Variants in ANKRD53 observed in about 807,000 individuals in gnomAD.
ANKRD53 encodes ankyrin repeat domain 53.
A neutral mutation model predicts 30.1 loss-of-function variants in ANKRD53; 27 were observed. That is an observed-to-expected ratio of 0.90 (90% CI 0.66 to 1.24). ANKRD53 has a LOEUF of 1.24. Among genes scored for constraint, ANKRD53 ranks in the 50% most tolerant of loss-of-function variants. The pLI is 0.00. For missense variants in ANKRD53, 682 were observed against 721.0 expected (o/e 0.95, Z 0.62); for synonymous variants, 286 against 295.4 (o/e 0.97, Z 0.33).
chr2:70,978,782 CCA>C lies in ANKRD53; in HGVS notation c.139_140del (p.Thr47LeufsTer3). On this transcript the variant is annotated frameshift_variant, in exon 1 of 6. Coordinates refer to ENST00000360589, the MANE Select transcript of ANKRD53 (RefSeq NM_001115116.2). LOFTEE classifies it high-confidence loss of function. The surrounding 1 kb of genome is among the most constrained non-coding windows in gnomAD (Gnocchi z 4.3). Reference sequence around the variant, plus strand: ...CAGGCGAACAAAGTCTCCTTGAAGGCCACCTGGACTGACGCGGAGTCCAAGCA... The same window carrying C: ...CAGGCGAACAAAGTCTCCTTGAAGGCCCTGGACTGACGCGGAGTCCAAGCA... 1 of 1,571,840 alleles carries C rather than the reference CCA, an allele frequency of 6.4e-7. No individual in the cohort carries two copies. Among genetic ancestry groups the C allele is most frequent in the East Asian group, 2.3e-5 (1 of 43,292 alleles).
intron 5 of ANKRD53, chr2:70,984,044 C>T (rs1169031435): frequency 4.3e-6 from 6 of 1,385,420 alleles, no homozygotes; most frequent in African/African-American, 2.9e-5. Context: ...ATCCTCCCTA[C>T]ATGACTTCTC....
rs1669917576 is a variant in ANKRD53 at position 70,979,101 on chromosome 2, C to G, written c.175C>G (p.Pro59Ala). The G allele has an allele frequency of 1.3e-6, 2 of 1,594,616 alleles. No individual in the cohort carries two copies. Among genetic ancestry groups the G allele is most frequent in the African/African-American group, 1.3e-5 (1 of 74,534 alleles). Residue 59 changes from proline to alanine, a missense_variant, in exon 2 of 6, where the codon CCC becomes GCC. Physicochemically the swap from Pro to Ala is conservative, Grantham distance 27. Transcript: ENST00000360589. ...TDAESKQPSQ[P>A]LPDLADHLSA... Reference sequence around the variant, plus strand: ...CCCCACTGCCCCGCCCTCCAGCCAGCCCCTGCCCGACCTCGCAGACCACCT... The same window carrying G: ...CCCCACTGCCCCGCCCTCCAGCCAGGCCCTGCCCGACCTCGCAGACCACCT...
In ANKRD53 at chr2:70,979,254, T is replaced by G. The variant is rs145335113; in HGVS notation, c.328T>G (p.Tyr110Asp). The change falls in exon 2 of 6, where the codon TAC (tyrosine) becomes GAC (aspartate). Residue 110 changes from tyrosine to aspartate, a missense_variant. Tyr to Asp is a radical substitution (Grantham distance 160). Coordinates refer to ENST00000360589, the MANE Select transcript of ANKRD53 (RefSeq NM_001115116.2). ...CGACCAGACGGCGATCGGGAGCTAC[T>G]ACCAGCTGTTCGCAGCGGCTGTGGG... is the stretch of plus-strand genomic sequence containing the variant. Reference protein sequence around the residue: ...AIDQTAIGSYYQLFAAAVGNV... With the variant: ...AIDQTAIGSYDQLFAAAVGNV... The G allele has an allele frequency of 2.4e-4, 387 of 1,613,722 alleles. 3 individuals are homozygous for G. The Middle Eastern group carries it at 5.1e-3, about 21-fold the overall frequency.
chr2:70,982,077 A>G lies in ANKRD53; in HGVS notation c.759A>G (p.Ile253Met). 6.2e-7 allele frequency: 1 copy of G among 1,611,180 alleles called. No homozygotes were observed. Among genetic ancestry groups the G allele is most frequent in the Non-Finnish European group, 8.5e-7 (1 of 1,178,598 alleles). The change falls in exon 4 of 6, where the codon ATA becomes ATG. Residue 253 changes from isoleucine (I) to methionine (M), a missense_variant. Transcript: ENST00000360589. This position sits in a 1 kb window ranked among gnomAD's most constrained non-coding sequence, Gnocchi z 4.2. ...MGYKPIDFCK[I>M]WNHRACARFL... is the part of the protein sequence containing the mutation. ...ACAAACCCATTGACTTCTGCAAAAT[A>G]TGGAACCACCGTGCCTGTGCCCGGT...
chr2:70,985,299 A>G lies in ANKRD53; in HGVS notation c.1592A>G (p.Ter531=), dbSNP rs1207229455. 3.9e-6 allele frequency: 6 copies of G among 1,548,398 alleles called. No homozygotes were observed. In the African/African-American group the frequency reaches 8.2e-5, roughly 21 times the overall value. ...CTGCCCTCCCCACAAACCAACCCAT[A>G]AAGTTATTATGGCTACCTCTCCCCC... is the stretch of plus-strand genomic sequence containing the variant. ...PTLPSPQTNP[*] is the part of the protein sequence containing the mutation. The change falls in exon 6 of 6, where the codon TAA becomes TGA. Residue 531 remains the stop codon, a stop_retained_variant. Coordinates refer to ENST00000360589, the MANE Select transcript of ANKRD53 (RefSeq NM_001115116.2).
chr2:70,982,477 C>A lies in ANKRD53; in HGVS notation c.783-100C>A. Reference sequence around the variant, plus strand: ...TTGCTCCTCTCCCTCTGGCCACTCCCCTCATCCCCATCCAAGCCCTCAGCA... The same window carrying A: ...TTGCTCCTCTCCCTCTGGCCACTCCACTCATCCCCATCCAAGCCCTCAGCA... On this transcript the variant is annotated intron_variant, in intron 4 of 5. Transcript: ENST00000360589. The surrounding 1 kb of genome is among the most constrained non-coding windows in gnomAD (Gnocchi z 4.2). 6.5e-7 allele frequency: 1 copy of A among 1,533,034 alleles called. No individual in the cohort carries two copies. The highest frequency in any genetic ancestry group is 8.9e-7 in the Non-Finnish European group (1 of 1,125,396). The allele number at this position is 1,533,034 out of a possible 1,614,324, so 95.0% of individuals were successfully genotyped here. A position where few individuals can be genotyped will look rare whatever the true frequency, so the allele number is the denominator to read the frequency against.
chr2:70,979,030 G>C lies in ANKRD53; in HGVS notation c.171-67G>C. The C allele has an allele frequency of 2.0e-6, 3 of 1,481,588 alleles. No homozygotes were observed. In the South Asian group the frequency reaches 4.2e-5, roughly 21 times the overall value. 91.8% of individuals were successfully genotyped at this position (1,481,588 alleles called of 1,614,324 possible). A position where few individuals can be genotyped will look rare whatever the true frequency, so the allele number is the denominator to read the frequency against. On this transcript the variant is annotated intron_variant, in intron 1 of 5. Coordinates refer to ENST00000360589, the MANE Select transcript of ANKRD53 (RefSeq NM_001115116.2). ...CCGCCCACCAGCCAGGCGGGGGCCA[G>C]GGATCGCCTCCCGAGAGGTGCCCGG... is the stretch of plus-strand genomic sequence containing the variant.
rs782194266 is a variant in ANKRD53, at chr2:70,984,608, CAGAA to C, written c.905_908del (p.Lys302SerfsTer124). On this transcript the variant is annotated splice_acceptor_variant and coding_sequence_variant, in exon 6 of 6. Transcript: ENST00000360589. LOFTEE classifies it high-confidence loss of function. ...GACTCTCTTGTGCCCTCTGTTGTTG[CAGAA>C]AGAGCACAAAATTCTCAGAGAAGCT... The C allele has an allele frequency of 4.3e-6, 7 of 1,613,404 alleles. No homozygotes were observed. Among genetic ancestry groups the C allele is most frequent in the Non-Finnish European group, 5.1e-6 (6 of 1,179,642 alleles).
chr2:70,983,647 C>G (rs782650563), intron 5 of ANKRD53, among the ~76,000 whole-genome samples: 3 of 152,162 alleles, frequency 2.0e-5, no homozygotes, highest in Non-Finnish European at 4.4e-5. Flanking sequence ...CAGAGTCACA[C>G]ACTGTCCAGA....
chr2:70,981,926 C>T lies in ANKRD53; in HGVS notation c.618-10C>T. 6.4e-7 allele frequency: 1 copy of T among 1,560,426 alleles called. No individual in the cohort carries two copies. Among genetic ancestry groups the T allele is most frequent in the Non-Finnish European group, 8.7e-7 (1 of 1,151,872 alleles). ...TCTGCCCTTATCCCCACTGGTGGGG[C>T]CTTCCACAGTCAGACATGCAACGGC... On this transcript the variant is annotated splice_polypyrimidine_tract_variant and intron_variant, in intron 3 of 5. Transcript: ENST00000360589.
At chr2:70,979,917 A>C in intron 3 of ANKRD53, 57 bp downstream of exon 3, 1 of 1,599,064 alleles carries the variant, frequency 6.3e-7, no homozygotes, top group Non-Finnish European at 8.6e-7. Flanking sequence ...GCACAGCCCT[A>C]CTTCCAGGCA....
Position 70,985,302 on chromosome 2 carries a change from G to C in ANKRD53, c.*2G>C, listed in dbSNP as rs10460571. On this transcript the variant is annotated 3_prime_UTR_variant, in exon 6 of 6. Coordinates refer to ENST00000360589, the MANE Select transcript of ANKRD53 (RefSeq NM_001115116.2). ...CCCTCCCCACAAACCAACCCATAAA[G>C]TTATTATGGCTACCTCTCCCCCTGA... 1.5e-6 allele frequency: 2 copies of C among 1,369,762 alleles called. No individual in the cohort carries two copies. Among genetic ancestry groups the C allele is most frequent in the Non-Finnish European group, 2.0e-6 (2 of 1,008,494 alleles). The allele number at this position is 1,369,762 out of a possible 1,614,324, so 84.9% of individuals were successfully genotyped here.
At position 70,982,280 on chromosome 2, in the gene ANKRD53, G is replaced by A; in HGVS notation, c.782+180G>A. 3 of 816,452 alleles carry A rather than the reference G, an allele frequency of 3.7e-6. No individual in the cohort carries two copies. The highest frequency in any genetic ancestry group is 3.7e-6 in the Non-Finnish European group (2 of 539,388). The allele number at this position is 816,452 out of a possible 1,614,324, so 50.6% of individuals were successfully genotyped here. On this transcript the variant is annotated intron_variant, in intron 4 of 5. Transcript: ENST00000360589. The surrounding 1 kb of genome is among the most constrained non-coding windows in gnomAD (Gnocchi z 4.2). ...CAATCACCTCATCACCTGGGCTTGG[G>A]GGTAAGTCTGCCCAGGTCCCCTGCT...
rs199966952 is a variant in ANKRD53, at chr2:70,979,245, G to C, written c.319G>C (p.Gly107Arg). The C allele has an allele frequency of 1.7e-5, 27 of 1,613,482 alleles. No individual in the cohort carries two copies. The highest frequency in any genetic ancestry group is 1.2e-4 in the African/African-American group (9 of 74,928). Residue 107 changes from glycine to arginine, a missense_variant, in exon 2 of 6, where the codon GGG (glycine) becomes CGG (arginine). Coordinates refer to ENST00000360589, the MANE Select transcript of ANKRD53 (RefSeq NM_001115116.2). ...DQTAIDQTAI[G>R]SYYQLFAAAV... ...GACGGCAATCGACCAGACGGCGATC[G>C]GGAGCTACTACCAGCTGTTCGCAGC...
At chr2:70,984,196 T>C in intron 5 of ANKRD53, 1 of 1,614,214 alleles carries the variant, frequency 6.2e-7, no homozygotes, top group Non-Finnish European at 8.5e-7. Context: ...TGGCAGGACA[T>C]TTCTCTACTA....
chr2:70,982,595 G>A lies in ANKRD53; in HGVS notation c.801G>A (p.Met267Ile). 1 of 1,614,156 alleles carries A rather than the reference G, an allele frequency of 6.2e-7. No individual in the cohort carries two copies. The highest frequency in any genetic ancestry group is 8.5e-7 in the Non-Finnish European group (1 of 1,180,014). The change falls in exon 5 of 6, where the codon ATG (methionine) becomes ATA (isoleucine). Residue 267 changes from methionine to isoleucine, a missense_variant. Met to Ile is a conservative substitution (Grantham distance 10). Coordinates refer to ENST00000360589, the MANE Select transcript of ANKRD53 (RefSeq NM_001115116.2). The surrounding 1 kb of genome is among the most constrained non-coding windows in gnomAD (Gnocchi z 4.2). ...GCACCAGGTTCTTGAAGGATGCCATGTGGAAAAAGGACAAGAAGGACTTTG... is the reference window on the plus strand; with the variant it reads ...GCACCAGGTTCTTGAAGGATGCCATATGGAAAAAGGACAAGAAGGACTTTG... ...RACARFLKDAMWKKDKKDFAR... is the reference protein window; with the variant it reads ...RACARFLKDAIWKKDKKDFAR...
chr2:70,978,657 G>A lies in ANKRD53; in HGVS notation c.12G>A (p.Ala4=), dbSNP rs1553422793. 9 of 1,539,716 alleles carry A rather than the reference G, an allele frequency of 5.8e-6. No individual in the cohort carries two copies. Among genetic ancestry groups the A allele is most frequent in the Middle Eastern group, 2.3e-4 (1 of 4,400 alleles). The part of the protein sequence containing the change: MAS[A]GSTARRAGSG... ...GTTCCAGCCCCGCGATGGCCTCCGC[G>A]GGCAGCACCGCTCGGCGGGCGGGCT... Residue 4 remains alanine, a synonymous_variant, in exon 1 of 6, where the codon GCG becomes GCA. Transcript: ENST00000360589. The surrounding 1 kb of genome is among the most constrained non-coding windows in gnomAD (Gnocchi z 4.3).
chr2:70,983,360 G>C (rs1320813451), intron 5 of ANKRD53, among the ~76,000 whole-genome samples: 1 of 152,258 alleles, frequency 6.6e-6, no homozygotes, highest in Non-Finnish European at 1.5e-5. Context: ...TGAAAACTCA[G>C]AGCAGCTGGG....
At position 70,978,941 on chromosome 2, in the gene ANKRD53, T is replaced by G; in HGVS notation, c.170+126T>G. The G allele has an allele frequency of 6.9e-7, 1 of 1,440,236 alleles. No homozygotes were observed. The highest frequency in any genetic ancestry group is 9.2e-7 in the Non-Finnish European group (1 of 1,092,584). 89.2% of individuals were successfully genotyped at this position (1,440,236 alleles called of 1,614,324 possible). ...GCCCGAGAAGCCAGCAGAGACAGGC[T>G]GGGGCCAGGGATCGCCTCCCGAGAG... is the stretch of plus-strand genomic sequence containing the variant. On this transcript the variant is annotated intron_variant, in intron 1 of 5. Transcript: ENST00000360589. This position sits in a 1 kb window ranked among gnomAD's most constrained non-coding sequence, Gnocchi z 4.3.
Sources: allele counts gnomAD v4.1 joint callset (sites outside exome capture counted in the v4.1 genomes callset), GRCh38; gene constraint gnomAD v4.1.1; non-coding constraint Gnocchi (gnomAD v3.1); transcripts MANE v1.5; gene names NCBI Gene and HGNC (gene_info 2026-07-23, HGNC 2026-07-21).